Variants in NDUFAF2 observed in about 807,000 individuals in gnomAD.
The protein encoded by NDUFAF2 is NADH dehydrogenase [ubiquinone] 1 alpha subcomplex assembly factor 2.
In NDUFAF2, 13 loss-of-function variants were observed where a neutral mutation model predicts 22.8. The observed-to-expected ratio is 0.57, with a 90% confidence interval of 0.37 to 0.91. The LOEUF (loss-of-function observed/expected upper bound fraction) is 0.91, where lower values mean the gene tolerates loss of function less well. Ranked by LOEUF, NDUFAF2 falls within the 40% of genes least tolerant of loss-of-function variation. The probability of loss-of-function intolerance (pLI) is 0.01; values close to 1 mark genes in which losing one functional copy is unlikely to be tolerated. For missense variants in NDUFAF2, 162 were observed against 195.2 expected (o/e 0.83, Z 1.01); for synonymous variants, 53 against 64.2 (o/e 0.83, Z 0.84).
At chr5:61,077,859 T>C (rs1367175164) in intron 2 of NDUFAF2, among the ~76,000 whole-genome samples, 1 of 152,170 alleles carries the variant, frequency 6.6e-6, no homozygotes, top group African/African-American at 2.4e-5. Flanking sequence ...TTGTGTAAAT[T>C]CTCTTCTAAT....
chr5:61,131,822 T>A (rs560215595), intron 3 of NDUFAF2, among the ~76,000 whole-genome samples: 5 of 152,200 alleles, frequency 3.3e-5, no homozygotes, highest in Non-Finnish European at 4.4e-5. Context: ...GGGGGAAGTC[T>A]ATAATGATTA....
At chr5:61,109,086 G>A (rs1752803924) in intron 3 of NDUFAF2, among the ~76,000 whole-genome samples, 1 of 152,138 alleles carries the variant, frequency 6.6e-6, no homozygotes, top group Non-Finnish European at 1.5e-5. Context: ...TCCAATTCAT[G>A]AACATATAAT....
At chr5:61,150,954 T>C (rs933183388) in intron 3 of NDUFAF2, among the ~76,000 whole-genome samples, 4 of 152,180 alleles carry the variant, frequency 2.6e-5, no homozygotes, top group African/African-American at 9.7e-5. Context: ...GGAGCAACCA[T>C]ACAGAACTCG....
chr5:60,953,938 G>A (rs1750580955), intron 1 of NDUFAF2, among the ~76,000 whole-genome samples: 1 of 151,994 alleles, frequency 6.6e-6, no homozygotes, highest in Non-Finnish European at 1.5e-5. Flanking sequence ...GTGCCCTATT[G>A]ACAACAACCA....
intron 3 of NDUFAF2, among the ~76,000 whole-genome samples, chr5:61,120,470 A>G (rs1752962223): frequency 6.6e-6 from 1 of 152,108 alleles, no homozygotes; most frequent in African/African-American, 2.4e-5. Flanking sequence ...TTCTCAGTCT[A>G]AAAGGACGGT....
At chr5:61,036,533 A>T (rs556275994) in intron 1 of NDUFAF2, among the ~76,000 whole-genome samples, 1 of 152,340 alleles carries the variant, frequency 6.6e-6, no homozygotes, top group South Asian at 2.1e-4. Context: ...AAATTTAGGC[A>T]AGAAACAGAT....
chr5:61,090,594 T>C (rs1366594687), intron 2 of NDUFAF2, among the ~76,000 whole-genome samples: 1 of 152,096 alleles, frequency 6.6e-6, no homozygotes, highest in African/African-American at 2.4e-5. Context: ...TGCTGAAACC[T>C]TTTATAGATA....
At chr5:61,118,739 CAA>C (rs987817866) in intron 3 of NDUFAF2, among the ~76,000 whole-genome samples, 2 of 152,150 alleles carry the variant, frequency 1.3e-5, no homozygotes, top group South Asian at 2.1e-4. Context: ...CATAGTTTTT[CAA>C]AAGTCTTTGA....
chr5:61,124,725 A>C lies in NDUFAF2; in HGVS notation c.258+25693A>C, dbSNP rs371694657. On this transcript the variant is annotated intron_variant, in intron 3 of 3. Transcript: ENST00000296597. ...AGTACAAATTAGAACATTTCCATTCATCACTGTGTTCAATTGGATAGTATT... is the reference window on the plus strand; with the variant it reads ...AGTACAAATTAGAACATTTCCATTCCTCACTGTGTTCAATTGGATAGTATT... Among the ~76,000 whole-genome samples the C allele has an allele frequency of 2.0e-3, 311 of 152,282 alleles. 2 individuals are homozygous for C. Among genetic ancestry groups the C allele is most frequent in the African/African-American group, 7.2e-3 (300 of 41,574 alleles).
intron 1 of NDUFAF2, among the ~76,000 whole-genome samples, chr5:61,069,498 A>G (rs933487037): frequency 3.3e-5 from 5 of 152,214 alleles, no homozygotes; most frequent in Admixed American, 2.6e-4. Context: ...CAGTGATTAC[A>G]TGAATATTTT....
intron 3 of NDUFAF2, among the ~76,000 whole-genome samples, chr5:61,125,092 C>G (rs561027793): frequency 6.6e-6 from 1 of 152,170 alleles, no homozygotes; most frequent in African/African-American, 2.4e-5. Context: ...CCAGATCCCT[C>G]CCCTGACACC....
chr5:61,098,379 C>A (rs1213094359), intron 2 of NDUFAF2, among the ~76,000 whole-genome samples: 1 of 152,202 alleles, frequency 6.6e-6, no homozygotes, highest in Non-Finnish European at 1.5e-5. Context: ...CTAAAGGCAG[C>A]TGCCCCACTC....
At chr5:60,971,441 C>T (rs927056190) in intron 1 of NDUFAF2, among the ~76,000 whole-genome samples, 8 of 152,052 alleles carry the variant, frequency 5.3e-5, no homozygotes, top group African/African-American at 7.2e-5. Flanking sequence ...CACCCGCCAC[C>T]GTGCCCGGCT....
chr5:60,986,855 C>G (rs1477055710), intron 1 of NDUFAF2, among the ~76,000 whole-genome samples: 1 of 151,156 alleles, frequency 6.6e-6, no homozygotes, highest in East Asian at 1.9e-4. Flanking sequence ...TCGCCTGATT[C>G]CAGGAGGTGG....
chr5:61,019,325 G>A (rs1469041483), intron 1 of NDUFAF2, among the ~76,000 whole-genome samples: 1 of 151,956 alleles, frequency 6.6e-6, no homozygotes, highest in Non-Finnish European at 1.5e-5. Flanking sequence ...AGAATGTCTG[G>A]CACATAGTAA....
chr5:61,028,534 A>C (rs142555695), intron 1 of NDUFAF2, among the ~76,000 whole-genome samples: 1 of 152,256 alleles, frequency 6.6e-6, no homozygotes, highest in Non-Finnish European at 1.5e-5. Flanking sequence ...CTAAAGTATT[A>C]TTGTTAATAA....
chr5:61,014,556 A>T (rs1261273726), intron 1 of NDUFAF2, among the ~76,000 whole-genome samples: 1 of 152,118 alleles, frequency 6.6e-6, no homozygotes, highest in Non-Finnish European at 1.5e-5. Flanking sequence ...GGTTGGTAGG[A>T]AGTACAGATG....
At chr5:60,999,401 C>T (rs1751268577) in intron 1 of NDUFAF2, among the ~76,000 whole-genome samples, 1 of 152,038 alleles carries the variant, frequency 6.6e-6, no homozygotes, top group African/African-American at 2.4e-5. Flanking sequence ...GGATGAAGTA[C>T]TAATTTATAC....
At chr5:60,967,258 A>G (rs1325750693) in intron 1 of NDUFAF2, among the ~76,000 whole-genome samples, 3 of 151,936 alleles carry the variant, frequency 2.0e-5, no homozygotes, top group Non-Finnish European at 4.4e-5. Flanking sequence ...AGAATTTTTT[A>G]AGAATATAAC....
Sources: gnomAD v4.1 joint callset for allele counts (sites outside exome capture counted in the v4.1 genomes callset) on GRCh38, gnomAD v4.1.1 for gene constraint, MANE v1.5 for transcripts, NCBI Gene and HGNC (gene_info 2026-07-23, HGNC 2026-07-21) for gene names.